Variants in CYTH3 observed in about 807,000 individuals in gnomAD.
CYTH3 encodes cytohesin-3.
Under a neutral mutation model 55.1 loss-of-function variants are expected in CYTH3, and 23 were observed. That is an observed-to-expected ratio of 0.42 (90% confidence interval 0.30 to 0.59). The LOEUF (loss-of-function observed/expected upper bound fraction) is 0.59. Ranked by LOEUF, CYTH3 falls within the 20% of genes least tolerant of loss-of-function variation. The probability of loss-of-function intolerance (pLI) is 0.20; values close to 1 mark genes in which losing one functional copy is unlikely to be tolerated. For synonymous variants in CYTH3, 249 were observed against 194.9 expected, an observed-to-expected ratio of 1.28 and a Z score of -2.31; for missense variants, 413 against 524.8, an observed-to-expected ratio of 0.79 and a Z score of 2.08.
At chr7:6,184,858 G>A (rs552957000) in intron 4 of CYTH3, among the ~76,000 whole-genome samples, 27 of 152,282 alleles carry the variant, frequency 1.8e-4, no homozygotes, top group South Asian at 1.5e-3. Flanking sequence ...GATTATACGC[G>A]TAAGCCACCG....
intron 4 of CYTH3, among the ~76,000 whole-genome samples, chr7:6,180,760 G>A (rs1169299095): frequency 6.6e-6 from 1 of 152,192 alleles, no homozygotes; most frequent in Non-Finnish European, 1.5e-5. Flanking sequence ...TCAAACAGCA[G>A]AAATGGGGGC....
chr7:6,195,938 A>G (rs747216983), intron 1 of CYTH3, among the ~76,000 whole-genome samples: 4 of 152,238 alleles, frequency 2.6e-5, no homozygotes, highest in Non-Finnish European at 5.9e-5. Flanking sequence ...AAGGAGATCC[A>G]AAGTCATGCA....
chr7:6,268,440 G>A (rs1353784086), intron 1 of CYTH3, among the ~76,000 whole-genome samples: 1 of 152,190 alleles, frequency 6.6e-6, no homozygotes, highest in Admixed American at 6.5e-5. Context: ...AAAGTGCTAG[G>A]ATTATAGGTG....
At chr7:6,194,805 T>C (rs1050080979) in intron 1 of CYTH3, among the ~76,000 whole-genome samples, 2 of 152,040 alleles carry the variant, frequency 1.3e-5, no homozygotes, top group Admixed American at 1.3e-4. Flanking sequence ...TGAAACCGCA[T>C]CTCTACTAAA....
intron 1 of CYTH3, among the ~76,000 whole-genome samples, chr7:6,224,341 T>C (rs1169495008): frequency 1.4e-5 from 2 of 146,786 alleles, no homozygotes; most frequent in Non-Finnish European, 1.5e-5. Flanking sequence ...AAAAGATTGA[T>C]GGAACCGACT....
At position 6,170,324 on chromosome 7, in the gene CYTH3, T is replaced by C; in HGVS notation, c.823+211A>G. ...ACGGGCCGTGCAGCCTGGGCGCTACTCTCTGCCGCGGGCATGGCTCTGAGG... is the reference window on the plus strand; with the variant it reads ...ACGGGCCGTGCAGCCTGGGCGCTACCCTCTGCCGCGGGCATGGCTCTGAGG... On this transcript the variant is annotated intron_variant, in intron 9 of 12. Coordinates refer to ENST00000350796, the MANE Select transcript of CYTH3 (RefSeq NM_004227.4). This position sits in a 1 kb window ranked among gnomAD's most constrained non-coding sequence, Gnocchi z 7.8. 3.5e-6 allele frequency: 2 copies of C among 577,156 alleles called. No individual in the cohort carries two copies. Among genetic ancestry groups the C allele is most frequent in the Non-Finnish European group, 6.1e-6 (2 of 327,584 alleles). The allele number at this position is 577,156 out of a possible 1,614,324, so 35.8% of individuals were successfully genotyped here.
At chr7:6,173,891 G>A (rs1783266307) in intron 5 of CYTH3, among the ~76,000 whole-genome samples, 158 bp from the exon 6 acceptor site, 1 of 152,108 alleles carries the variant, frequency 6.6e-6, no homozygotes, top group Admixed American at 6.5e-5. Flanking sequence ...AGGCAGGGCT[G>A]GCCATGTTAC....
At chr7:6,264,740 T>C (rs1181416801) in intron 1 of CYTH3, among the ~76,000 whole-genome samples, 1 of 152,250 alleles carries the variant, frequency 6.6e-6, no homozygotes, top group African/African-American at 2.4e-5. Context: ...TTCAACTTTA[T>C]TCAGTATTTA....
chr7:6,266,830 G>C (rs1002575069), intron 1 of CYTH3, among the ~76,000 whole-genome samples: 8 of 152,104 alleles, frequency 5.3e-5, no homozygotes, highest in African/African-American at 1.9e-4. Flanking sequence ...TCTTTTGTCT[G>C]TCTCTCCATC....
intron 4 of CYTH3, among the ~76,000 whole-genome samples, chr7:6,179,704 CACA>C (rs1783436371): frequency 8.9e-6 from 1 of 112,584 alleles, no homozygotes; most frequent in African/African-American, 3.7e-5. Context: ...ACACACACCC[CACA>C]CACACCCCAC....
At chr7:6,233,187 C>G (rs1306727299) in intron 1 of CYTH3, among the ~76,000 whole-genome samples, 1 of 152,172 alleles carries the variant, frequency 6.6e-6, no homozygotes, top group Non-Finnish European at 1.5e-5. Flanking sequence ...CACCAGTATA[C>G]TCAATGCCAG....
chr7:6,193,093 A>C (rs1172788153), intron 1 of CYTH3, among the ~76,000 whole-genome samples: 3 of 152,100 alleles, frequency 2.0e-5, no homozygotes, highest in Non-Finnish European at 4.4e-5. Flanking sequence ...AATCGCTTGA[A>C]ACAGGAAAGC....
intron 9 of CYTH3, 46 bp from the exon 10 acceptor site, chr7:6,165,856 G>C: frequency 2.5e-6 from 4 of 1,601,218 alleles, no homozygotes; most frequent in Non-Finnish European, 3.4e-6. Context: ...TGCACAGGGA[G>C]CCCGCGGGTC....
intron 1 of CYTH3, among the ~76,000 whole-genome samples, chr7:6,224,245 G>C (rs544077212): frequency 6.7e-6 from 1 of 149,392 alleles, no homozygotes; most frequent in African/African-American, 2.5e-5. Flanking sequence ...TGAGTCAGTA[G>C]GTATACATGG....
At chr7:6,173,548 G>A (rs760552204) in intron 6 of CYTH3, 105 bp downstream of exon 6, 15 of 756,492 alleles carry the variant, frequency 2.0e-5, no homozygotes, top group East Asian at 9.9e-5. Flanking sequence ...TGTGAGACTC[G>A]TGTGGCACCA....
At chr7:6,206,664 C>G (rs1784194467) in intron 1 of CYTH3, among the ~76,000 whole-genome samples, 1 of 152,156 alleles carries the variant, frequency 6.6e-6, no homozygotes, top group African/African-American at 2.4e-5. Flanking sequence ...TAATCCTTAA[C>G]AGAAGAAGGG....
At chr7:6,175,426 G>A (rs1020577554) in intron 5 of CYTH3, among the ~76,000 whole-genome samples, 3 of 151,922 alleles carry the variant, frequency 2.0e-5, no homozygotes, top group African/African-American at 7.3e-5. Context: ...TTGGTACCTG[G>A]TTGAAAAATT....
chr7:6,187,585 G>T, intron 3 of CYTH3, 72 bp downstream of exon 3: 2 of 1,373,610 alleles, frequency 1.5e-6, no homozygotes, highest in South Asian at 2.3e-5. Flanking sequence ...CCCACTTTCT[G>T]CAAGTTTGAC....
At chr7:6,177,782 G>T in intron 5 of CYTH3, 41 bp downstream of exon 5, 1 of 1,480,526 alleles carries the variant, frequency 6.8e-7, no homozygotes, top group Non-Finnish European at 9.4e-7. Context: ...CTGCAGGGCT[G>T]AGTGGCCCCA....
Sources: allele counts gnomAD v4.1 joint callset (sites outside exome capture counted in the v4.1 genomes callset), GRCh38; gene constraint gnomAD v4.1.1; non-coding constraint Gnocchi (gnomAD v3.1); transcripts MANE v1.5; gene names NCBI Gene and HGNC (gene_info 2026-07-23, HGNC 2026-07-21).